Variants in ANK2 observed in about 807,000 individuals in gnomAD.
ANK2 encodes the protein ankyrin 2.
ANK2 carries 83 observed loss-of-function variants against 360.5 expected under a neutral mutation model. The observed-to-expected ratio is 0.23, with a 90% CI of 0.19 to 0.28. The LOEUF (loss-of-function observed/expected upper bound fraction) is 0.28, where lower values mean the gene tolerates loss of function less well. Among genes scored for constraint, ANK2 ranks in the 10% least tolerant of loss-of-function variants. The pLI is 1.00. For synonymous variants in ANK2, 1,740 were observed against 1,759.5 expected, an observed-to-expected ratio of 0.99 and a Z score of 0.28; for missense variants, 4,201 against 4,795.7, an observed-to-expected ratio of 0.88 and a Z score of 3.66.
chr4:113,011,300 G>A (rs766152594), intron 2 of ANK2, among the ~76,000 whole-genome samples: 11 of 152,008 alleles, frequency 7.2e-5, no homozygotes, highest in Non-Finnish European at 1.3e-4. Context: ...CATTTTCTTA[G>A]GATATATTTG....
At chr4:112,916,950 T>C (rs543825802) in intron 2 of ANK2, among the ~76,000 whole-genome samples, 57 of 152,224 alleles carry the variant, frequency 3.7e-4, no homozygotes, top group African/African-American at 1.3e-3. Context: ...AGAAAATATA[T>C]AGGGACAACT....
chr4:112,729,046 A>C, the ANK2 span, among the ~76,000 whole-genome samples: 1 of 152,064 alleles, frequency 6.6e-6, no homozygotes, highest in African/African-American at 2.4e-5. Flanking sequence ...ATTTCTACAA[A>C]AAATTTAAAA....
Position 113,378,234 on chromosome 4 carries a change from C to T in ANK2, c.11860-3223C>T. ...GCCAACTAACACCATAAAAATTTTT[C>T]CAATTTTAAGAAAAGAAGGGGAGAA... On this transcript the variant is annotated intron_variant, in intron 45 of 45. Coordinates refer to ENST00000357077, the MANE Select transcript of ANK2 (RefSeq NM_001148.6). 3 of 937,514 alleles carry T rather than the reference C, an allele frequency of 3.2e-6. No homozygotes were observed. In the South Asian group the frequency reaches 4.5e-5, roughly 14 times the overall value. 58.1% of individuals were successfully genotyped at this position (937,514 alleles called of 1,614,324 possible). A position where few individuals can be genotyped will look rare whatever the true frequency, so the allele number is the denominator to read the frequency against.
At chr4:113,313,400 A>G (rs777262046) in intron 24 of ANK2, among the ~76,000 whole-genome samples, 4 of 152,158 alleles carry the variant, frequency 2.6e-5, no homozygotes, top group Non-Finnish European at 5.9e-5. Flanking sequence ...TTTCTATAAA[A>G]CAGGATGGAT....
intron 2 of ANK2, among the ~76,000 whole-genome samples, chr4:112,969,272 T>C (rs2038547955): frequency 6.6e-6 from 1 of 152,232 alleles, no homozygotes; most frequent in Admixed American, 6.5e-5. Flanking sequence ...AGATATTCCC[T>C]GAACACTCTT....
At chr4:113,014,946 C>CTT (rs2056103411) in intron 2 of ANK2, among the ~76,000 whole-genome samples, 2 of 150,970 alleles carry the variant, frequency 1.3e-5, no homozygotes, top group Non-Finnish European at 2.9e-5. Flanking sequence ...GCAAGCTCCG[C>CTT]CCGCCGGGTT....
rs561835833 is a variant in ANK2, at chr4:113,218,233, C to T, written c.385-13928C>T. Among the ~76,000 whole-genome samples, 38 of 152,114 alleles carry T rather than the reference C, an allele frequency of 2.5e-4. 1 individual carries two copies. The South Asian group carries it at 7.9e-3, about 32-fold the overall frequency. ...TTGATTATTTTCAAAACTGTTAATACCAGACATGGAGTGAGAATAGCATTA... is the reference window on the plus strand; with the variant it reads ...TTGATTATTTTCAAAACTGTTAATATCAGACATGGAGTGAGAATAGCATTA... On this transcript the variant is annotated intron_variant, in intron 4 of 45. Coordinates refer to ENST00000357077, the MANE Select transcript of ANK2 (RefSeq NM_001148.6).
chr4:112,741,544 T>C, the ANK2 span, among the ~76,000 whole-genome samples: 2 of 152,236 alleles, frequency 1.3e-5, no homozygotes, highest in African/African-American at 4.8e-5. Flanking sequence ...AGTGCTTTTA[T>C]GCCTCTGTCC....
chr4:112,825,491 C>T (rs754134280), intron 1 of ANK2, among the ~76,000 whole-genome samples: 1 of 152,158 alleles, frequency 6.6e-6, no homozygotes, highest in Non-Finnish European at 1.5e-5. Context: ...ATGTCCTTTT[C>T]ATCCAACTAA....
At chr4:112,920,845 C>T (rs957097515) in intron 2 of ANK2, among the ~76,000 whole-genome samples, 1 of 152,074 alleles carries the variant, frequency 6.6e-6, no homozygotes, top group African/African-American at 2.4e-5. Flanking sequence ...TTGTGCCTCA[C>T]CTCCCACTTT....
rs759036829 is a variant in ANK2 at position 113,355,056 on chromosome 4, C to T, written c.6438C>T (p.Asp2146=). The change falls in exon 38 of 46, where the codon GAC becomes GAT. Residue 2146 remains aspartate (D), a synonymous_variant. Transcript: ENST00000357077. ...FSEVIKQELE[D]NDKYQQFRLS... is the part of the protein sequence containing the mutation. ...AGGTCATTAAGCAAGAGTTGGAAGA[C>T]AATGACAAATACCAACAATTCCGCC... is the stretch of plus-strand genomic sequence containing the variant. The T allele has an allele frequency of 1.2e-6, 2 of 1,614,054 alleles. No homozygotes were observed. The highest frequency in any genetic ancestry group is 2.2e-5 in the South Asian group (2 of 91,076).
At chr4:112,999,824 G>T (rs1353629970) in intron 2 of ANK2, among the ~76,000 whole-genome samples, 1 of 152,136 alleles carries the variant, frequency 6.6e-6, no homozygotes, top group Admixed American at 6.5e-5. Flanking sequence ...ATTTGAGGAG[G>T]TGATATATAG....
intron 4 of ANK2, among the ~76,000 whole-genome samples, chr4:113,210,311 G>A (rs2099006417): frequency 6.6e-6 from 1 of 152,148 alleles, no homozygotes; most frequent in African/African-American, 2.4e-5. Flanking sequence ...ATGTTTTAGG[G>A]ACAATTTTCA....
chr4:112,790,489 T>C, the ANK2 span, among the ~76,000 whole-genome samples: 3,672 of 143,112 alleles, frequency 0.026, 100 homozygotes, highest in African/African-American at 0.067. Context: ...CTTTTCTTTT[T>C]TTTTTTTTTT....
rs1437432435 is a variant in ANK2 at position 112,827,300 on chromosome 4, C to T, written c.-40+9036C>T. On this transcript the variant is annotated intron_variant, in intron 1 of 30. Transcript: ENST00000503271. ...AAGAGTCATTGTAATAAAGAAGATCCAGAACAGCTGAGATTAAAGCAGAAA... is the reference window on the plus strand; with the variant it reads ...AAGAGTCATTGTAATAAAGAAGATCTAGAACAGCTGAGATTAAAGCAGAAA... 11 of 1,090,502 alleles carry T rather than the reference C, an allele frequency of 1.0e-5. No homozygotes were observed. The Admixed American group carries it at 1.2e-4, about 12-fold the overall frequency. The allele number at this position is 1,090,502 out of a possible 1,614,324, so 67.6% of individuals were successfully genotyped here.
intron 9 of ANK2, among the ~76,000 whole-genome samples, chr4:113,242,860 A>G (rs1258244879): frequency 6.6e-6 from 1 of 152,194 alleles, no homozygotes; most frequent in East Asian, 1.9e-4. Flanking sequence ...AATAAAGGCA[A>G]ACTGCCTGAT....
the ANK2 span, among the ~76,000 whole-genome samples, chr4:112,767,854 C>G: frequency 7.2e-5 from 11 of 152,146 alleles, no homozygotes; most frequent in Non-Finnish European, 1.5e-4. Flanking sequence ...ATTTCTGATT[C>G]AGGCAATCAA....
At chr4:113,037,978 G>C (rs569232369) in intron 2 of ANK2, among the ~76,000 whole-genome samples, 16 of 152,072 alleles carry the variant, frequency 1.1e-4, no homozygotes, top group Non-Finnish European at 1.8e-4. Flanking sequence ...TATAGAGTTT[G>C]AAGCTAACAA....
rs562770450 is a variant in ANK2 at position 113,042,221 on chromosome 4, G to C, written c.22-132195G>C. Among the ~76,000 whole-genome samples, 3 of 152,108 alleles carry C rather than the reference G, an allele frequency of 2.0e-5. No homozygotes were observed. In the South Asian group the frequency reaches 6.2e-4, roughly 32 times the overall value. On this transcript the variant is annotated intron_variant, in intron 2 of 30. Transcript: ENST00000503271. ...GCACATCCATCTCTTCCTGCCCTCA[G>C]ACATCAGTTTCCAGTTCTAGGCCTT...
Sources: gnomAD v4.1 joint callset for allele counts (sites outside exome capture counted in the v4.1 genomes callset) on GRCh38, gnomAD v4.1.1 for gene constraint, MANE v1.5 for transcripts, NCBI Gene and HGNC (gene_info 2026-07-23, HGNC 2026-07-21) for gene names.